The following LRMDA variants were observed in gnomAD, a reference collection of about 807,000 sequenced individuals.
LRMDA encodes the protein leucine rich melanocyte differentiation associated.
Under a neutral mutation model 29.8 loss-of-function variants are expected in LRMDA, and 18 were observed. That is an observed-to-expected ratio of 0.60 (90% CI 0.42 to 0.90). The LOEUF (loss-of-function observed/expected upper bound fraction) is 0.90. Ranked by LOEUF, LRMDA falls within the 40% of genes least tolerant of loss-of-function variation. LRMDA has a pLI of 0.00. For missense variants in LRMDA, 273 were observed against 273.9 expected, an observed-to-expected ratio of 1.00 and a Z score of 0.02; for synonymous variants, 125 against 109.4, an observed-to-expected ratio of 1.14 and a Z score of -0.89.
chr10:75,658,586 G>A (rs1841709166), intron 2 of LRMDA, among the ~76,000 whole-genome samples: 2 of 152,126 alleles, frequency 1.3e-5, no homozygotes, highest in African/African-American at 4.8e-5. Flanking sequence ...ATCTAAGAGG[G>A]ACTGAGGATT....
chr10:75,621,427 G>A (rs891852079), intron 2 of LRMDA, among the ~76,000 whole-genome samples: 2 of 152,180 alleles, frequency 1.3e-5, no homozygotes, highest in Non-Finnish European at 2.9e-5. Flanking sequence ...CTCATGCAGT[G>A]CTCAGCACAG....
chr10:75,481,748 T>G (rs1844857695), intron 2 of LRMDA, among the ~76,000 whole-genome samples: 1 of 152,166 alleles, frequency 6.6e-6, no homozygotes, highest in Non-Finnish European at 1.5e-5. Flanking sequence ...TGCTTCCTTA[T>G]CTCTCTTCAT....
At chr10:75,930,191 G>A (rs1049480694) in intron 2 of LRMDA, among the ~76,000 whole-genome samples, 12 of 152,204 alleles carry the variant, frequency 7.9e-5, no homozygotes, top group Non-Finnish European at 1.6e-4. Context: ...ATTTGCCTAA[G>A]ACTAAGATCT....
At chr10:76,519,335 T>A (rs141120454) in intron 6 of LRMDA, among the ~76,000 whole-genome samples, 1 of 151,914 alleles carries the variant, frequency 6.6e-6, no homozygotes, top group African/African-American at 2.4e-5. Flanking sequence ...GAACAAGGAG[T>A]TGAATGGAAC....
intron 2 of LRMDA, among the ~76,000 whole-genome samples, chr10:75,978,111 G>A (rs1383213892): frequency 6.6e-6 from 1 of 152,222 alleles, no homozygotes; most frequent in African/African-American, 2.4e-5. Flanking sequence ...GGTTGGAGAT[G>A]GAGGGCACTG....
chr10:76,013,558 G>A (rs1197390127), intron 2 of LRMDA, among the ~76,000 whole-genome samples: 5 of 152,158 alleles, frequency 3.3e-5, no homozygotes, highest in African/African-American at 9.7e-5. Context: ...GGTTGGTTGA[G>A]CTGTGGTTGG....
chr10:75,616,282 C>CAGCAGCAGCAGCAGT (rs1385861555), intron 2 of LRMDA, among the ~76,000 whole-genome samples: 5 of 150,962 alleles, frequency 3.3e-5, no homozygotes, highest in African/African-American at 1.2e-4. Context: ...GCAGCAGCAG[C>CAGCAGCAGCAGCAGT]AGTAGTAGTA....
chr10:75,695,587 T>C (rs1222083426), intron 2 of LRMDA, among the ~76,000 whole-genome samples: 1 of 152,108 alleles, frequency 6.6e-6, no homozygotes, highest in East Asian at 1.9e-4. Flanking sequence ...TAATAATCCC[T>C]GCTAACTGAC....
intron 2 of LRMDA, among the ~76,000 whole-genome samples, chr10:75,739,646 C>T (rs1207193546): frequency 6.6e-6 from 1 of 152,136 alleles, no homozygotes; most frequent in Non-Finnish European, 1.5e-5. Context: ...TTGGAGGATA[C>T]AAACTGTTTC....
In LRMDA at chr10:76,387,140, T is replaced by G. The variant is rs1004134718; in HGVS notation, c.601+62655T>G. Among the ~76,000 whole-genome samples the G allele has an allele frequency of 3.0e-4, 45 of 152,214 alleles. 1 individual carries two copies. The highest frequency in any genetic ancestry group is 3.1e-4 in the Non-Finnish European group (21 of 68,040). The stretch of plus-strand genomic sequence containing the variant: ...GAAAGCAATTTGATAATTTTTATAT[T>G]ACTACAAAAATATGGTAGCTACCCT... On this transcript the variant is annotated intron_variant, in intron 6 of 6. Transcript: ENST00000611255.
At chr10:76,338,401 A>T (rs369427945) in intron 6 of LRMDA, among the ~76,000 whole-genome samples, 3 of 133,550 alleles carry the variant, frequency 2.2e-5, no homozygotes, top group African/African-American at 7.9e-5. Context: ...AATAAATAAT[A>T]AATAAATGGA....
intron 2 of LRMDA, among the ~76,000 whole-genome samples, chr10:75,870,260 TG>T (rs1376159793): frequency 2.6e-5 from 4 of 152,256 alleles, no homozygotes; most frequent in Admixed American, 6.5e-5. Context: ...ATTTTGGTAT[TG>T]CCTGTGACTG....
At chr10:76,062,917 G>A (rs1373209343) in intron 5 of LRMDA, among the ~76,000 whole-genome samples, 1 of 151,968 alleles carries the variant, frequency 6.6e-6, no homozygotes, top group African/African-American at 2.4e-5. Context: ...AGATCAAAGG[G>A]GTGCAGAGGC....
At chr10:76,360,747 C>T (rs1178474189) in intron 6 of LRMDA, among the ~76,000 whole-genome samples, 1 of 152,160 alleles carries the variant, frequency 6.6e-6, no homozygotes, top group African/African-American at 2.4e-5. Flanking sequence ...GGAAGAGCTA[C>T]TCTCCTGAAA....
chr10:76,188,952 A>ACGCG (rs1554853764), intron 5 of LRMDA, among the ~76,000 whole-genome samples: 3 of 151,414 alleles, frequency 2.0e-5, no homozygotes, highest in South Asian at 2.1e-4. Flanking sequence ...ACACACACAC[A>ACGCG]CACACACACA....
chr10:76,196,864 G>A (rs1294157281), intron 5 of LRMDA, among the ~76,000 whole-genome samples: 2 of 152,200 alleles, frequency 1.3e-5, no homozygotes, highest in Non-Finnish European at 2.9e-5. Flanking sequence ...CTCTACCTTT[G>A]TGACATCTAG....
rs183691721 is a variant in LRMDA at position 76,087,153 on chromosome 10, C to T, written c.516+28370C>T. Among the ~76,000 whole-genome samples, 193 of 152,256 alleles carry T rather than the reference C, an allele frequency of 1.3e-3. 1 individual carries two copies. Among genetic ancestry groups the T allele is most frequent in the Middle Eastern group, 3.4e-3 (1 of 294 alleles). On this transcript the variant is annotated intron_variant, in intron 5 of 6. Transcript: ENST00000611255. ...GTGGGGCGGGTGGCATGCCAGTGCA[C>T]CCCAGTGTCAGGTAGAGGAATTACA...
intron 2 of LRMDA, among the ~76,000 whole-genome samples, chr10:75,703,834 T>C (rs940924204): frequency 2.0e-5 from 3 of 152,238 alleles, no homozygotes; most frequent in African/African-American, 7.2e-5. Flanking sequence ...CATGTGGAAA[T>C]TGACTTCCCT....
chr10:75,432,616 G>T (rs1462729699), intron 1 of LRMDA, among the ~76,000 whole-genome samples: 1 of 152,218 alleles, frequency 6.6e-6, no homozygotes, highest in African/African-American at 2.4e-5. Flanking sequence ...ACACCCTGGA[G>T]AAATAGTTCT....
Sources: allele counts gnomAD v4.1 joint callset (sites outside exome capture counted in the v4.1 genomes callset), GRCh38; gene constraint gnomAD v4.1.1; transcripts MANE v1.5; gene names NCBI Gene and HGNC (gene_info 2026-07-23, HGNC 2026-07-21).